The following CLDN10 variants were observed in gnomAD, a reference collection of about 807,000 sequenced individuals.
The protein encoded by CLDN10 is claudin-10.
CLDN10 carries 15 observed loss-of-function variants against 22.9 expected under a neutral mutation model. That is an observed-to-expected ratio of 0.65 (90% confidence interval 0.44 to 1.01). The LOEUF (loss-of-function observed/expected upper bound fraction) is 1.01. Among genes scored for constraint, CLDN10 ranks in the 50% least tolerant of loss-of-function variants. The pLI is 0.00. For missense variants in CLDN10, 247 were observed against 287.8 expected (o/e 0.86, Z 1.03); for synonymous variants, 114 against 111.4 (o/e 1.02, Z -0.15).
intron 1 of CLDN10, among the ~76,000 whole-genome samples, chr13:95,455,147 C>T (rs2042470162): frequency 6.6e-6 from 1 of 150,814 alleles, no homozygotes; most frequent in African/African-American, 2.4e-5. Flanking sequence ...ACTGGGATTA[C>T]AGGCGAGCCA....
intron 1 of CLDN10, among the ~76,000 whole-genome samples, chr13:95,483,458 T>C (rs6492793): frequency 0.59 from 90,218 of 152,044 alleles, 28,012 homozygotes; most frequent in African/African-American, 0.79. Flanking sequence ...ATCCTCCTGC[T>C]TTGGCCTCCC....
intron 3 of CLDN10, among the ~76,000 whole-genome samples, chr13:95,563,335 T>C (rs1051112004): frequency 6.6e-6 from 1 of 152,170 alleles, no homozygotes; most frequent in Non-Finnish European, 1.5e-5. Context: ...GTATGTAAGA[T>C]GTGGCTTATC....
At chr13:95,543,670 T>G (rs1359693754) in intron 1 of CLDN10, among the ~76,000 whole-genome samples, 1 of 152,160 alleles carries the variant, frequency 6.6e-6, no homozygotes, top group African/African-American at 2.4e-5. Flanking sequence ...AAATTTCATT[T>G]CTAAAATTCA....
chr13:95,434,543 G>GTATATATATATGCACACATGTGTT, intron 1 of CLDN10, among the ~76,000 whole-genome samples: 1 of 148,684 alleles, frequency 6.7e-6, no homozygotes, highest in Admixed American at 6.6e-5. Context: ...GCACACGTGT[G>GTATATATATATGCACACATGTGTT]TATATATATA....
intron 1 of CLDN10, among the ~76,000 whole-genome samples, chr13:95,461,099 G>A (rs142497402): frequency 2.1e-3 from 322 of 152,132 alleles, no homozygotes; most frequent in African/African-American, 7.3e-3. Flanking sequence ...GTGACACAGC[G>A]AGACTCTGTC....
rs910636273 is a variant in CLDN10 at position 95,492,634 on chromosome 13, T to A, written c.214+58587T>A. ...AAGGGCTTCAGTTCTTCCCCCTGCATGTGAAGTCTGCACACCAGATTCATG... is the reference window on the plus strand; with the variant it reads ...AAGGGCTTCAGTTCTTCCCCCTGCAAGTGAAGTCTGCACACCAGATTCATG... On this transcript the variant is annotated intron_variant, in intron 1 of 4. Coordinates refer to the CLDN10 transcript ENST00000376873. Among the ~76,000 whole-genome samples the A allele has an allele frequency of 2.6e-5, 4 of 152,260 alleles. No individual in the cohort carries two copies. In the East Asian group the frequency reaches 7.7e-4, roughly 29 times the overall value.
intron 1 of CLDN10, among the ~76,000 whole-genome samples, chr13:95,493,966 A>G (rs979207105): frequency 6.6e-6 from 1 of 152,234 alleles, no homozygotes; most frequent in Admixed American, 6.5e-5. Context: ...CATGTTACAC[A>G]TATCATTTTC....
upstream of CLDN10, among the ~76,000 whole-genome samples, chr13:95,549,228 A>C (rs1038155523): frequency 1.3e-5 from 2 of 152,242 alleles, no homozygotes; most frequent in African/African-American, 4.8e-5. Context: ...ACTTTGAATA[A>C]TTTAGAGGAG....
At chr13:95,554,623 C>A (rs556282833) in intron 1 of CLDN10, among the ~76,000 whole-genome samples, 42 of 152,208 alleles carry the variant, frequency 2.8e-4, no homozygotes, top group African/African-American at 9.9e-4. Flanking sequence ...TTCCTGTGTG[C>A]TCATGTGACT....
chr13:95,474,207 T>G (rs1392462672), intron 1 of CLDN10, among the ~76,000 whole-genome samples: 3 of 151,896 alleles, frequency 2.0e-5, no homozygotes, highest in Admixed American at 2.0e-4. Context: ...TCATCAAGAG[T>G]GACAGATCAT....
intron 1 of CLDN10, among the ~76,000 whole-genome samples, chr13:95,527,508 T>C (rs1028823832): frequency 4.0e-5 from 6 of 151,828 alleles, no homozygotes; most frequent in African/African-American, 1.2e-4. Flanking sequence ...GGCGGGTGGA[T>C]CACCTGAGGT....
At chr13:95,535,327 C>T (rs920296169) in intron 1 of CLDN10, among the ~76,000 whole-genome samples, 2 of 151,916 alleles carry the variant, frequency 1.3e-5, no homozygotes, top group African/African-American at 2.4e-5. Context: ...GAAGACCAGT[C>T]AGGCTAGTGG....
intron 1 of CLDN10, among the ~76,000 whole-genome samples, chr13:95,459,516 G>A (rs1026517085): frequency 6.6e-6 from 1 of 152,248 alleles, no homozygotes. Flanking sequence ...AAACTGCCAA[G>A]GCTTGGGACT....
At position 95,538,846 on chromosome 13, in the gene CLDN10, G is replaced by T. The variant is rs541194881; in HGVS notation, c.215-21286G>T. On this transcript the variant is annotated intron_variant, in intron 1 of 4. Coordinates refer to the CLDN10 transcript ENST00000376873. ...ACTCCACAGAGAAGGCGATTTTTAA[G>T]TACTCAAGTTGTTTGATAATGCTGA... 1.8e-4 allele frequency among the ~76,000 whole-genome samples: 27 copies of T among 152,248 alleles called. 1 individual carries two copies. In the South Asian group the frequency reaches 5.6e-3, roughly 32 times the overall value.
chr13:95,489,351 G>C (rs377336790), intron 1 of CLDN10, among the ~76,000 whole-genome samples: 19 of 151,926 alleles, frequency 1.3e-4, no homozygotes, highest in South Asian at 8.3e-4. Context: ...AATGCAGAAG[G>C]GTTCCCTGTT....
Position 95,578,024 on chromosome 13 carries a change from C to A in CLDN10, c.*10C>A. On this transcript the variant is annotated 3_prime_UTR_variant, in exon 5 of 5. Transcript: ENST00000299339. ...AAATGCTTATGTCTAAAAGAGCTCG[C>A]TGGCAAGCTGCCTCTTGAGTTTGTT... 1.3e-6 allele frequency: 2 copies of A among 1,515,628 alleles called. No individual in the cohort carries two copies. The highest frequency in any genetic ancestry group is 1.8e-6 in the Non-Finnish European group (2 of 1,093,232). The allele number at this position is 1,515,628 out of a possible 1,614,324, so 93.9% of individuals were successfully genotyped here. A position where few individuals can be genotyped will look rare whatever the true frequency, so the allele number is the denominator to read the frequency against.
At chr13:95,450,767 G>A (rs1183730047) in intron 1 of CLDN10, among the ~76,000 whole-genome samples, 1 of 152,208 alleles carries the variant, frequency 6.6e-6, no homozygotes, top group African/African-American at 2.4e-5. Context: ...GTCTACCTGG[G>A]CTCAGCATCT....
At position 95,545,589 on chromosome 13, in the gene CLDN10, G is replaced by GA. The variant is rs912183268; in HGVS notation, c.215-14538dup. On this transcript the variant is annotated intron_variant, in intron 1 of 4. Coordinates refer to the CLDN10 transcript ENST00000376873. ...CTTTTGGGTCCCAGTTTCCTCATTT[G>GA]AAAAATTGAATTAGGTAACTTTTTT... 9.7e-4 allele frequency among the ~76,000 whole-genome samples: 148 copies of GA among 152,196 alleles called. 3 individuals carry two copies. The highest frequency in any genetic ancestry group is 1.6e-3 in the Admixed American group (25 of 15,292).
chr13:95,450,143 G>C (rs1374678095), intron 1 of CLDN10, among the ~76,000 whole-genome samples: 2 of 152,220 alleles, frequency 1.3e-5, no homozygotes, highest in African/African-American at 4.8e-5. Flanking sequence ...CCAAAGTGCT[G>C]GGATTACAGG....
Sources: gnomAD v4.1 joint callset for allele counts (sites outside exome capture counted in the v4.1 genomes callset) on GRCh38, gnomAD v4.1.1 for gene constraint, MANE v1.5 for transcripts, NCBI Gene and HGNC (gene_info 2026-07-23, HGNC 2026-07-21) for gene names.